MYO9A: variants seen among roughly 807,000 people sequenced by gnomAD.
MYO9A encodes myosin IXA.
A neutral mutation model predicts 293.3 loss-of-function variants in MYO9A; 103 were observed. That is an observed-to-expected ratio of 0.35 (90% CI 0.30 to 0.41). The LOEUF is 0.41. Ranked by LOEUF, MYO9A falls within the 10% of genes least tolerant of loss-of-function variation. The pLI, the probability that MYO9A is intolerant of heterozygous loss-of-function variation, is 1.00. For synonymous variants in MYO9A, 1,001 were observed against 1,035.7 expected (o/e 0.97, Z 0.64); for missense variants, 2,685 against 3,033.0 (o/e 0.89, Z 2.69).
At chr15:71,956,077 C>T (rs761880077) in intron 14 of MYO9A, among the ~76,000 whole-genome samples, 2 of 149,612 alleles carry the variant, frequency 1.3e-5, no homozygotes, top group South Asian at 2.1e-4. Context: ...GGCTGAGCAG[C>T]GAGGATCACT....
At chr15:71,872,051 T>C (rs1333685950) in intron 32 of MYO9A, among the ~76,000 whole-genome samples, 1 of 152,102 alleles carries the variant, frequency 6.6e-6, no homozygotes, top group Non-Finnish European at 1.5e-5. Context: ...AAATTATGTT[T>C]ATGTGACTTT....
At chr15:72,114,825 T>C (rs2080910149) in intron 1 of MYO9A, among the ~76,000 whole-genome samples, 1 of 152,212 alleles carries the variant, frequency 6.6e-6, no homozygotes, top group South Asian at 2.1e-4. Context: ...CTTTGACTAA[T>C]ATTTATTTCA....
chr15:71,937,906 G>C (rs1190889588), intron 16 of MYO9A, among the ~76,000 whole-genome samples: 1 of 152,022 alleles, frequency 6.6e-6, no homozygotes, highest in African/African-American at 2.4e-5. Flanking sequence ...TTTGTGTTCG[G>C]GTAAAATTTA....
At chr15:71,864,722 T>G (rs1261663735) in intron 32 of MYO9A, among the ~76,000 whole-genome samples, 1 of 152,108 alleles carries the variant, frequency 6.6e-6, no homozygotes, top group Non-Finnish European at 1.5e-5. Context: ...AAAAGCCACA[T>G]GCAAAAACCA....
intron 1 of MYO9A, among the ~76,000 whole-genome samples, chr15:72,079,125 C>T (rs893919540): frequency 6.6e-5 from 10 of 152,052 alleles, no homozygotes; most frequent in Admixed American, 1.3e-4. Flanking sequence ...CAAATAGTAA[C>T]GATGGATTAA....
At chr15:72,029,499 A>C (rs2077794757) in intron 3 of MYO9A, among the ~76,000 whole-genome samples, 1 of 152,194 alleles carries the variant, frequency 6.6e-6, no homozygotes, top group Non-Finnish European at 1.5e-5. Context: ...ACATAGAAAA[A>C]GTACAGTAAA....
chr15:71,887,043 T>C (rs984483814), intron 27 of MYO9A, among the ~76,000 whole-genome samples: 4 of 152,136 alleles, frequency 2.6e-5, no homozygotes, highest in Non-Finnish European at 5.9e-5. Context: ...AGATATTTAT[T>C]TGAAAAATAA....
chr15:71,866,784 C>T (rs951185966), intron 32 of MYO9A, among the ~76,000 whole-genome samples: 7 of 152,074 alleles, frequency 4.6e-5, no homozygotes, highest in African/African-American at 1.4e-4. Flanking sequence ...GCAGGCCAGG[C>T]GCAGTGGCTC....
Position 71,968,254 on chromosome 15 carries a change from C to T in MYO9A, c.1845-129G>A, listed in dbSNP as rs2075926749. 3 of 651,530 alleles carry T rather than the reference C, an allele frequency of 4.6e-6. No homozygotes were observed. In the Admixed American group the frequency reaches 1.1e-4, roughly 23 times the overall value. 40.4% of individuals were successfully genotyped at this position (651,530 alleles called of 1,614,324 possible). ...ACATAGCAGTTTACAAAAGTTTTCA[C>T]CTATATTATCTAACCTGATTCTCAT... is the stretch of plus-strand genomic sequence containing the variant. On this transcript the variant is annotated intron_variant, in intron 12 of 41. Transcript: ENST00000356056.
At chr15:72,026,026 C>T (rs1416735107) in intron 4 of MYO9A, among the ~76,000 whole-genome samples, 2 of 152,100 alleles carry the variant, frequency 1.3e-5, no homozygotes, top group East Asian at 3.9e-4. Context: ...ACGCCTGTAA[C>T]ATTTTGGGAG....
In MYO9A at chr15:72,064,176, A is replaced by G. The variant is rs1320447890; in HGVS notation, c.-71-17542T>C. Among the ~76,000 whole-genome samples, 4 of 152,194 alleles carry G rather than the reference A, an allele frequency of 2.6e-5. No homozygotes were observed. The East Asian group carries it at 7.7e-4, about 29-fold the overall frequency. The stretch of plus-strand genomic sequence containing the variant: ...TATCAGAGGCTGGGAAGAGTAGTAA[A>G]GGGGCGGAGGAAAGTGGGGATGGTT... On this transcript the variant is annotated intron_variant, in intron 1 of 41. Coordinates refer to ENST00000356056, the MANE Select transcript of MYO9A (RefSeq NM_006901.4).
chr15:71,983,457 AT>A (rs1186666843), intron 11 of MYO9A, among the ~76,000 whole-genome samples: 30 of 80,616 alleles, frequency 3.7e-4, no homozygotes, highest in African/African-American at 6.1e-4. Context: ...ATAGTTTTTT[AT>A]TTTTTTTATT....
intron 1 of MYO9A, among the ~76,000 whole-genome samples, chr15:72,096,612 C>T (rs1460515695): frequency 6.6e-6 from 1 of 152,166 alleles, no homozygotes; most frequent in African/African-American, 2.4e-5. Context: ...GCCCATGGAT[C>T]AAGGAGTAAT....
intron 2 of MYO9A, among the ~76,000 whole-genome samples, chr15:72,042,976 G>A (rs1194484409): frequency 2.0e-5 from 3 of 151,994 alleles, no homozygotes; most frequent in African/African-American, 7.2e-5. Flanking sequence ...AGGCTAACGT[G>A]AGAGGATCAC....
intron 6 of MYO9A, among the ~76,000 whole-genome samples, chr15:72,013,055 A>C: frequency 6.6e-6 from 1 of 152,224 alleles, no homozygotes; most frequent in Non-Finnish European, 1.5e-5. Context: ...CAGAACAGAA[A>C]TGACTTTATC....
intron 1 of MYO9A, among the ~76,000 whole-genome samples, chr15:72,055,781 A>C (rs1163675088): frequency 1.3e-5 from 2 of 152,102 alleles, no homozygotes; most frequent in Non-Finnish European, 2.9e-5. Flanking sequence ...TACTCCTGCA[A>C]GAATGGCCAT....
chr15:72,075,533 G>C (rs2079323395), intron 1 of MYO9A, among the ~76,000 whole-genome samples: 1 of 151,896 alleles, frequency 6.6e-6, no homozygotes, highest in African/African-American at 2.4e-5. Flanking sequence ...AAATTCTCAA[G>C]TAAAAAATAT....
In MYO9A at chr15:71,968,105, T is replaced by C. The variant is rs371561989; in HGVS notation, c.1865A>G (p.Gln622Arg). The change falls in exon 13 of 42, where the codon CAA (glutamine) becomes CGA (arginine). Residue 622 changes from glutamine to arginine, a missense_variant. By Grantham distance (43) the Gln-to-Arg change is conservative (BLOSUM62 1). Transcript: ENST00000356056. ...EESNFPQATN[Q>R]TLLDKFKHQH... Reference sequence around the variant, plus strand: ...ATGCTTAAACTTGTCTAGCAATGTTTGATTTGTAGCCTGTGGAAAGCTGAA... The same window carrying C: ...ATGCTTAAACTTGTCTAGCAATGTTCGATTTGTAGCCTGTGGAAAGCTGAA... 1.3e-5 allele frequency: 21 copies of C among 1,597,476 alleles called. No individual in the cohort carries two copies. The African/African-American group carries it at 2.8e-4, about 21-fold the overall frequency.
chr15:71,925,291 G>GTATGTACATATATACGTATATACGTA (rs1329727459), intron 18 of MYO9A, among the ~76,000 whole-genome samples: 11 of 147,034 alleles, frequency 7.5e-5, no homozygotes, highest in African/African-American at 2.6e-4. Flanking sequence ...GTATACACGT[G>GTATGTACATATATACGTATATACGTA]TATGTACATA....
Sources: allele counts gnomAD v4.1 joint callset (sites outside exome capture counted in the v4.1 genomes callset), GRCh38; gene constraint gnomAD v4.1.1; transcripts MANE v1.5; gene names NCBI Gene and HGNC (gene_info 2026-07-23, HGNC 2026-07-21).